EZH1: variants seen among roughly 807,000 people sequenced by gnomAD.
EZH1 encodes the protein enhancer of zeste 1 polycomb repressive complex 2 subunit, also known as histone-lysine N-methyltransferase EZH1.
A neutral mutation model predicts 100.5 loss-of-function variants in EZH1; 33 were observed. That is an observed-to-expected ratio of 0.33 (90% CI 0.25 to 0.44). The LOEUF (loss-of-function observed/expected upper bound fraction) is 0.44, where lower values mean the gene tolerates loss of function less well. Among genes scored for constraint, EZH1 ranks in the 20% least tolerant of loss-of-function variants. The probability of loss-of-function intolerance (pLI) is 1.00; values close to 1 mark genes in which losing one functional copy is unlikely to be tolerated. For synonymous variants in EZH1, 272 were observed against 313.8 expected (o/e 0.87, Z 1.41); for missense variants, 475 against 928.4 (o/e 0.51, Z 6.35).
At chr17:42,738,732 G>A (rs953261016) in intron 1 of EZH1, among the ~76,000 whole-genome samples, 20 of 147,088 alleles carry the variant, frequency 1.4e-4, no homozygotes, top group Admixed American at 5.5e-4. Flanking sequence ...GATTACAGGC[G>A]TAAGCCACCG....
intron 1 of EZH1, among the ~76,000 whole-genome samples, chr17:42,736,678 A>G (rs1455641979): frequency 6.6e-6 from 1 of 152,098 alleles, no homozygotes; most frequent in African/African-American, 2.4e-5. Context: ...CTACAAAAAT[A>G]CAAAAATTAG....
rs748198083 is a variant in EZH1 at position 42,728,116 on chromosome 17, C to CT, written c.118-354dup. 2.9e-3 allele frequency among the ~76,000 whole-genome samples: 340 copies of CT among 117,256 alleles called. 1 individual carries two copies. The highest frequency in any genetic ancestry group is 4.3e-3 in the Non-Finnish European group (241 of 56,340). The allele number at this position is 117,256 out of a possible 152,430, so 76.9% of individuals were successfully genotyped here. ...ACAGGCATGAGCCACCGTGCCTGGC[C>CT]TTTTTTTTTTTTTTTGAGATGGAGT... On this transcript the variant is annotated intron_variant, in intron 3 of 20. Coordinates refer to ENST00000428826, the MANE Select transcript of EZH1 (RefSeq NM_001991.5).
intron 1 of EZH1, among the ~76,000 whole-genome samples, chr17:42,743,057 A>G (rs900608498): frequency 8.6e-5 from 13 of 151,944 alleles, no homozygotes; most frequent in Non-Finnish European, 1.8e-4. Flanking sequence ...TTTGTAGAGA[A>G]GGAGTTTCGC....
At chr17:42,708,820 G>T in intron 14 of EZH1, 56 bp downstream of exon 14, 1 of 1,586,298 alleles carries the variant, frequency 6.3e-7, no homozygotes, top group South Asian at 1.1e-5. Flanking sequence ...GTAGGGTGAT[G>T]ACCACAGAGT....
intron 11 of EZH1, among the ~76,000 whole-genome samples, 157 bp downstream of exon 11, chr17:42,713,052 A>AAG (rs1404794645): frequency 1.1e-4 from 16 of 151,556 alleles, no homozygotes; most frequent in South Asian, 6.3e-4. Flanking sequence ...AAAAAAAAAA[A>AAG]AAAAAAGAAA....
intron 2 of EZH1, among the ~76,000 whole-genome samples, chr17:42,729,824 G>A: frequency 6.6e-6 from 1 of 151,430 alleles, no homozygotes; most frequent in East Asian, 1.9e-4. Flanking sequence ...TGGATCACGA[G>A]GTCAGGAGTT....
chr17:42,716,768 G>A (rs943680767), intron 10 of EZH1, among the ~76,000 whole-genome samples: 2 of 151,770 alleles, frequency 1.3e-5, no homozygotes, highest in South Asian at 2.1e-4. Context: ...GCGTGATCTC[G>A]GCTCACTGCA....
rs753920189 is a variant in EZH1, at chr17:42,713,179, G to C, written c.1204+30C>G. 1.4e-5 allele frequency: 23 copies of C among 1,608,796 alleles called. 1 individual carries two copies. In the South Asian group the frequency reaches 2.6e-4, roughly 18 times the overall value. The stretch of plus-strand genomic sequence containing the variant: ...GTTTACCAGAGTCCTTGCATGGAAA[G>C]AAAAAGTCTTCATTTTCTGTTCATC... On this transcript the variant is annotated intron_variant, in intron 11 of 20. Coordinates refer to ENST00000428826, the MANE Select transcript of EZH1 (RefSeq NM_001991.5).
chr17:42,708,829 G>C (rs767530152), intron 14 of EZH1, 47 bp downstream of exon 14: 1 of 1,606,156 alleles, frequency 6.2e-7, no homozygotes, highest in South Asian at 1.1e-5. Flanking sequence ...TGACCACAGA[G>C]TGAGGCCTCC....
intron 12 of EZH1, among the ~76,000 whole-genome samples, chr17:42,711,246 G>A (rs2053475801): frequency 6.6e-6 from 1 of 152,104 alleles, no homozygotes; most frequent in Non-Finnish European, 1.5e-5. Context: ...GGCCGAGGCG[G>A]GTGGATCACC....
Position 42,728,964 on chromosome 17 carries a change from A to G in EZH1, c.-11-12T>C, listed in dbSNP as rs1223002906. On this transcript the variant is annotated splice_polypyrimidine_tract_variant and intron_variant, in intron 2 of 20. Transcript: ENST00000428826. ...CATCTTGCTGTAATCTAAGAGAGAC[A>G]GAGATGAGAAATAGCATTTTATTGC... 6.3e-7 allele frequency: 1 copy of G among 1,596,234 alleles called. No individual in the cohort carries two copies.
chr17:42,740,336 T>C (rs2054153738), intron 1 of EZH1, among the ~76,000 whole-genome samples: 1 of 149,646 alleles, frequency 6.7e-6, no homozygotes, highest in African/African-American at 2.5e-5. Flanking sequence ...GCCTCCCGGG[T>C]TCAAGCGATT....
chr17:42,704,721 C>A, intron 17 of EZH1, 38 bp from the exon 18 acceptor site: 1 of 1,568,862 alleles, frequency 6.4e-7, no homozygotes, highest in South Asian at 1.1e-5. Context: ...GAGTATCAGG[C>A]TGCCTGCTCA....
intron 1 of EZH1, among the ~76,000 whole-genome samples, chr17:42,741,942 C>T (rs1189432550): frequency 1.3e-5 from 2 of 152,044 alleles, no homozygotes; most frequent in East Asian, 1.9e-4. Flanking sequence ...TCGCCCACCT[C>T]GGCCTCCCAA....
At chr17:42,711,727 C>T (rs1297468936) in intron 12 of EZH1, among the ~76,000 whole-genome samples, 1 of 151,740 alleles carries the variant, frequency 6.6e-6, no homozygotes, top group African/African-American at 2.4e-5. Context: ...GAGAGGACTG[C>T]TTGAGCCCAG....
At position 42,706,136 on chromosome 17, in the gene EZH1, C is replaced by T; in HGVS notation, c.1710G>A (p.Lys570=). 6.2e-7 allele frequency: 1 copy of T among 1,614,026 alleles called. No individual in the cohort carries two copies. Among genetic ancestry groups the T allele is most frequent in the East Asian group, 2.2e-5 (1 of 44,884 alleles). ...GCRCKTQCNT[K]QCPCYLAVRE... is the part of the protein sequence containing the mutation. ...GCACTGCCAGATAGCAAGGACATTGCTTGGTATTGCACTGGGTCTTACAGC... is the reference window on the plus strand; with the variant it reads ...GCACTGCCAGATAGCAAGGACATTGTTTGGTATTGCACTGGGTCTTACAGC... The change falls in exon 16 of 21, where the codon AAG becomes AAA. Residue 570 remains lysine (K), a synonymous_variant. Coordinates refer to ENST00000428826, the MANE Select transcript of EZH1 (RefSeq NM_001991.5). The surrounding 1 kb of genome is among the most constrained non-coding windows in gnomAD (Gnocchi z 4.4).
In EZH1 at chr17:42,706,553, G is replaced by A. The variant is rs2053357436; in HGVS notation, c.1661-368C>T. Among the ~76,000 whole-genome samples, 1 of 152,008 alleles carries A rather than the reference G, an allele frequency of 6.6e-6. No individual in the cohort carries two copies. The highest frequency in any genetic ancestry group is 2.4e-5 in the African/African-American group (1 of 41,374). ...ATTAAAAAAAAAAATAGCCATGTGT[G>A]GTGACACCTGCCTGTAGTCCCAGGC... On this transcript the variant is annotated intron_variant, in intron 15 of 20. Coordinates refer to ENST00000428826, the MANE Select transcript of EZH1 (RefSeq NM_001991.5). The surrounding 1 kb of genome is among the most constrained non-coding windows in gnomAD (Gnocchi z 4.4).
Position 42,708,527 on chromosome 17 carries a change from T to C in EZH1, c.1534+349A>G, listed in dbSNP as rs376105751. ...AAAATTAGCCAGGCATGGTGGTACA[T>C]GCCTGTAATCCCAGCTACTTGGGAA... On this transcript the variant is annotated intron_variant, in intron 14 of 20. Coordinates refer to ENST00000428826, the MANE Select transcript of EZH1 (RefSeq NM_001991.5). 2.9e-4 allele frequency among the ~76,000 whole-genome samples: 44 copies of C among 152,214 alleles called. No individual in the cohort carries two copies. The East Asian group carries it at 3.5e-3, about 12-fold the overall frequency.
rs191650892 is a variant in EZH1 at position 42,722,745 on chromosome 17, A to G, written c.487+50T>C. On this transcript the variant is annotated intron_variant, in intron 6 of 20. Coordinates refer to ENST00000428826, the MANE Select transcript of EZH1 (RefSeq NM_001991.5). The stretch of plus-strand genomic sequence containing the variant: ...ATGGCAAGATGATGAGGTACCAAAG[A>G]AGAGGCCTGATTCTAACAAAATTTT... 1.7e-4 allele frequency: 275 copies of G among 1,587,518 alleles called. 3 individuals are homozygous for G. The South Asian group carries it at 2.0e-3, about 11-fold the overall frequency.
Sources: allele counts gnomAD v4.1 joint callset (sites outside exome capture counted in the v4.1 genomes callset), GRCh38; gene constraint gnomAD v4.1.1; non-coding constraint Gnocchi (gnomAD v3.1); transcripts MANE v1.5; gene names NCBI Gene and HGNC (gene_info 2026-07-23, HGNC 2026-07-21).